Variants in MMP17 observed in about 807,000 individuals in gnomAD.
The protein encoded by MMP17 is matrix metallopeptidase 17.
Under a neutral mutation model 49.1 loss-of-function variants are expected in MMP17, and 54 were observed. The ratio of observed to expected loss-of-function variants is 1.10; its 90% CI spans 0.88 to 1.38. MMP17 has a LOEUF of 1.38. Among genes scored for constraint, MMP17 ranks in the 40% most tolerant of loss-of-function variants. The pLI is 0.00. For synonymous variants in MMP17, 397 were observed against 383.1 expected (o/e 1.04, Z -0.42); for missense variants, 837 against 853.7 (o/e 0.98, Z 0.24).
intron 1 of MMP17, among the ~76,000 whole-genome samples, chr12:131,836,928 T>C (rs1192006799): frequency 6.6e-6 from 1 of 152,070 alleles, no homozygotes; most frequent in Non-Finnish European, 1.5e-5. Flanking sequence ...GTCCCCACGA[T>C]GGCACCCAGG....
In MMP17 at chr12:131,851,590, CCT is replaced by C; in HGVS notation, c.*321_*322del. 1 of 320,730 alleles carries C rather than the reference CCT, an allele frequency of 3.1e-6. No individual in the cohort carries two copies. The highest frequency in any genetic ancestry group is 1.6e-4 in the South Asian group (1 of 6,448). The allele number at this position is 320,730 out of a possible 1,614,324, so 19.9% of individuals were successfully genotyped here. A position where few individuals can be genotyped will look rare whatever the true frequency, so the allele number is the denominator to read the frequency against. ...GAGCATCTCGGGCTGGGGGCCCACC[CCT>C]CTCTGTGCCGGCGCCACCAACCCCA... On this transcript the variant is annotated 3_prime_UTR_variant, in exon 10 of 10. Transcript: ENST00000360564.
intron 1 of MMP17, among the ~76,000 whole-genome samples, chr12:131,829,197 A>G (rs1307136953): frequency 6.6e-6 from 1 of 152,188 alleles, no homozygotes; most frequent in Non-Finnish European, 1.5e-5. Flanking sequence ...CCACTGGACA[A>G]GGACCTGGCC....
At chr12:131,840,274 C>T (rs377133963) in intron 3 of MMP17, 6 of 350,496 alleles carry the variant, frequency 1.7e-5, no homozygotes, top group Non-Finnish European at 2.6e-5. Flanking sequence ...ATGGGGCAGA[C>T]GGGACGCACC....
intron 1 of MMP17, among the ~76,000 whole-genome samples, chr12:131,832,801 C>T (rs1024500476): frequency 3.9e-5 from 6 of 152,082 alleles, no homozygotes; most frequent in Admixed American, 1.3e-4. Context: ...TGGCCCACCT[C>T]CTTCTCCACC....
intron 1 of MMP17, among the ~76,000 whole-genome samples, chr12:131,830,889 G>T (rs1225811535): frequency 3.3e-5 from 5 of 152,246 alleles, no homozygotes; most frequent in African/African-American, 1.2e-4. Flanking sequence ...GTCCTTGGCG[G>T]GGCTGCTTGT....
At chr12:131,843,254 CCG>C (rs1887514595) in intron 5 of MMP17, among the ~76,000 whole-genome samples, 1 of 149,722 alleles carries the variant, frequency 6.7e-6, no homozygotes, top group Non-Finnish European at 1.5e-5. Context: ...GCGTGAGCCA[CCG>C]CACCTGGCCT....
At chr12:131,850,866 G>C (rs768101142) in intron 9 of MMP17, 59 bp from the exon 10 acceptor site, 628 of 1,324,258 alleles carry the variant, frequency 4.7e-4, no homozygotes, top group Non-Finnish European at 5.9e-4. Flanking sequence ...CTCGCTGTCC[G>C]GCTCGAGCCC....
At chr12:131,844,437 G>A (rs912498396) in intron 6 of MMP17, 4 of 329,344 alleles carry the variant, frequency 1.2e-5, no homozygotes, top group South Asian at 3.3e-5. Flanking sequence ...TGCCCCCAGC[G>A]GGAGGGATGT....
chr12:131,834,894 C>T (rs898931403), intron 1 of MMP17, among the ~76,000 whole-genome samples: 4 of 152,144 alleles, frequency 2.6e-5, no homozygotes, highest in African/African-American at 9.7e-5. Flanking sequence ...CAGGCTCAGG[C>T]CTCCCCACAG....
At position 131,851,096 on chromosome 12, in the gene MMP17, C is replaced by G. The variant is rs745411761; in HGVS notation, c.1634C>G (p.Pro545Arg). 6.2e-7 allele frequency: 1 copy of G among 1,601,200 alleles called. No homozygotes were observed. The highest frequency in any genetic ancestry group is 1.7e-5 in the Admixed American group (1 of 58,266). ...GVDAAEGPRA[P>R]PGQHDQSRSE... Reference sequence around the variant, plus strand: ...GACGCGGCAGAGGGGCCCCGCGCCCCTCCAGGACAACATGACCAGAGCCGC... The same window carrying G: ...GACGCGGCAGAGGGGCCCCGCGCCCGTCCAGGACAACATGACCAGAGCCGC... The change falls in exon 10 of 10, where the codon CCT becomes CGT. Residue 545 changes from proline (P) to arginine (R), a missense_variant. Coordinates refer to ENST00000360564, the MANE Select transcript of MMP17 (RefSeq NM_016155.7).
intron 1 of MMP17, among the ~76,000 whole-genome samples, chr12:131,831,783 C>A (rs563501202): frequency 8.1e-6 from 1 of 123,162 alleles, no homozygotes; most frequent in South Asian, 3.0e-4. Flanking sequence ...AGCGGAGGTG[C>A]TTCCGATGGT....
chr12:131,845,744 C>A (rs887565584), intron 8 of MMP17, among the ~76,000 whole-genome samples: 2 of 152,142 alleles, frequency 1.3e-5, no homozygotes, highest in Non-Finnish European at 2.9e-5. Context: ...CAGTGCCGTT[C>A]GGTGTGGTCA....
At chr12:131,830,627 C>T (rs908286636) in intron 1 of MMP17, among the ~76,000 whole-genome samples, 2 of 152,220 alleles carry the variant, frequency 1.3e-5, no homozygotes, top group African/African-American at 4.8e-5. Context: ...CTCCTCCGCC[C>T]GCTCGCCGGA....
Position 131,850,919 on chromosome 12 carries a change from T to C in MMP17, c.1463-6T>C. ...CCCTGAGCTCAGCTCTCCCTCCTCT[T>C]CTCAGGTGCCTCCTACTTCTTCCGT... On this transcript the variant is annotated splice_region_variant and splice_polypyrimidine_tract_variant and intron_variant, in intron 9 of 9. Transcript: ENST00000360564. 3 of 1,470,228 alleles carry C rather than the reference T, an allele frequency of 2.0e-6. No homozygotes were observed. Among genetic ancestry groups the C allele is most frequent in the Non-Finnish European group, 2.7e-6 (3 of 1,108,598 alleles). 91.1% of individuals were successfully genotyped at this position (1,470,228 alleles called of 1,614,324 possible). A position where few individuals can be genotyped will look rare whatever the true frequency, so the allele number is the denominator to read the frequency against.
chr12:131,844,200 G>A (rs552861793), intron 6 of MMP17, 119 bp downstream of exon 6: 31 of 796,932 alleles, frequency 3.9e-5, no homozygotes, highest in African/African-American at 2.6e-4. Context: ...CTGTGTGGCC[G>A]ACTGAGCCCC....
chr12:131,828,771 C>G (rs1480170412), intron 1 of MMP17, 118 bp downstream of exon 1: 2 of 172,502 alleles, frequency 1.2e-5, no homozygotes, highest in Non-Finnish European at 2.4e-5. Context: ...CGCGGGAGCC[C>G]TGGCGCCCTG....
chr12:131,838,129 G>T, intron 1 of MMP17, 66 bp from the exon 2 acceptor site: 3 of 1,516,216 alleles, frequency 2.0e-6, no homozygotes, highest in South Asian at 1.3e-5. Flanking sequence ...GTGGCCCGTG[G>T]CAGGCTTCTC....
chr12:131,847,295 T>C (rs1887758889), intron 8 of MMP17, among the ~76,000 whole-genome samples: 1 of 151,100 alleles, frequency 6.6e-6, no homozygotes, highest in South Asian at 2.1e-4. Context: ...CACCTGTTGT[T>C]CCAGCTACTC....
intron 5 of MMP17, among the ~76,000 whole-genome samples, chr12:131,843,149 T>A (rs991975745): frequency 1.3e-5 from 2 of 151,822 alleles, no homozygotes; most frequent in African/African-American, 4.8e-5. Flanking sequence ...ATTTTTTTTT[T>A]AGTAGAGACG....
Sources: gnomAD v4.1 joint callset for allele counts (sites outside exome capture counted in the v4.1 genomes callset) on GRCh38, gnomAD v4.1.1 for gene constraint, MANE v1.5 for transcripts, NCBI Gene and HGNC (gene_info 2026-07-23, HGNC 2026-07-21) for gene names.